RPS6KA3: variants seen among roughly 807,000 people sequenced by gnomAD.
The protein encoded by RPS6KA3 is ribosomal protein S6 kinase alpha-3.
RPS6KA3 carries 4 observed loss-of-function variants against 67.2 expected under a neutral mutation model. That is an observed-to-expected ratio of 0.06 (90% confidence interval 0.03 to 0.14). The LOEUF is 0.14. Among genes scored for constraint, RPS6KA3 ranks in the 10% least tolerant of loss-of-function variants. The probability of loss-of-function intolerance (pLI) is 1.00; values close to 1 mark genes in which losing one functional copy is unlikely to be tolerated. For missense variants in RPS6KA3, 204 were observed against 559.0 expected, an observed-to-expected ratio of 0.36 and a Z score of 6.40; for synonymous variants, 182 against 183.7, an observed-to-expected ratio of 0.99 and a Z score of 0.07.
intron 1 of RPS6KA3, 109 bp downstream of exon 1, chrX:20,266,455 G>A (rs1340869544): frequency 7.8e-6 from 5 of 638,359 alleles, no homozygotes; most frequent in Non-Finnish European, 2.4e-6. Flanking sequence ...CCGGGGGAAA[G>A]ACGCGAGCGG....
At chrX:20,195,795 T>C (rs777590263) in intron 4 of RPS6KA3, among the ~76,000 whole-genome samples, 6 of 112,217 alleles carry the variant, frequency 5.3e-5, no homozygotes, top group Non-Finnish European at 1.1e-4. Flanking sequence ...AGCAAGATAC[T>C]TATTTAAATT....
At chrX:20,254,564 A>G (rs942410060) in intron 1 of RPS6KA3, among the ~76,000 whole-genome samples, 2 of 112,151 alleles carry the variant, frequency 1.8e-5, no homozygotes, top group African/African-American at 6.5e-5. Context: ...ATCAAATCTA[A>G]AAAGAAAGAA....
At chrX:20,157,659 G>C (rs2067218846) in intron 20 of RPS6KA3, among the ~76,000 whole-genome samples, 1 of 111,132 alleles carries the variant, frequency 9.0e-6, no homozygotes, top group African/African-American at 3.3e-5. Context: ...ATACCTGACT[G>C]TACTGTGTGA....
intron 10 of RPS6KA3, among the ~76,000 whole-genome samples, chrX:20,178,620 G>A (rs971574193): frequency 2.1e-5 from 2 of 93,339 alleles, no homozygotes; most frequent in African/African-American, 8.0e-5. Flanking sequence ...TTACAGGTGT[G>A]TGCTACCACA....
At position 20,266,729 on chromosome X, in the gene RPS6KA3, G is replaced by A. The variant is rs866786693; in HGVS notation, c.-97C>T. 8.4e-5 allele frequency: 14 copies of A among 167,473 alleles called. No homozygotes were observed. In the South Asian group the frequency reaches 2.5e-3, roughly 29 times the overall value. 13.8% of individuals were successfully genotyped at this position (167,473 alleles called of 1,213,427 possible). A position where few individuals can be genotyped will look rare whatever the true frequency, so the allele number is the denominator to read the frequency against. ...GCCGCCCGAGCCCCACGGCAGCGGCGGCGGCGGCGGCGGCGGCGGCAGCGG... is the reference window on the plus strand; with the variant it reads ...GCCGCCCGAGCCCCACGGCAGCGGCAGCGGCGGCGGCGGCGGCGGCAGCGG... On this transcript the variant is annotated 5_prime_UTR_variant, in exon 1 of 22. Transcript: ENST00000379565.
chrX:20,198,390 G>C (rs906849900), intron 4 of RPS6KA3, among the ~76,000 whole-genome samples: 1 of 111,735 alleles, frequency 8.9e-6, no homozygotes, highest in Non-Finnish European at 1.9e-5. Context: ...GATAGCAAAA[G>C]ACCCCCAGGC....
Position 20,225,168 on chromosome X carries a change from G to C in RPS6KA3, c.126+9590C>G, listed in dbSNP as rs1415204943. Among the ~76,000 whole-genome samples the C allele has an allele frequency of 2.8e-5, 3 of 108,030 alleles. No homozygotes were observed. In the East Asian group the frequency reaches 8.8e-4, roughly 32 times the overall value. The allele number at this position is 108,030 out of a possible 115,157, so 93.8% of individuals were successfully genotyped here. A position where few individuals can be genotyped will look rare whatever the true frequency, so the allele number is the denominator to read the frequency against. On this transcript the variant is annotated intron_variant, in intron 2 of 21. Transcript: ENST00000379565. ...TTGTGATGAATATACTAGAACAGAA[G>C]AGAAGCAATTTTGGGTCAGAGGCAC...
chrX:20,255,925 C>A (rs1337873111), intron 1 of RPS6KA3, among the ~76,000 whole-genome samples: 2 of 101,258 alleles, frequency 2.0e-5, no homozygotes, highest in African/African-American at 7.3e-5. Context: ...GCCTGGCCAA[C>A]ATGGAGAAAC....
intron 3 of RPS6KA3, 127 bp downstream of exon 3, chrX:20,209,161 A>T (rs2068645469): frequency 6.0e-6 from 3 of 501,660 alleles, no homozygotes; most frequent in Non-Finnish European, 1.1e-5. Context: ...TGAGAAATGT[A>T]AAAAAACAGA....
In RPS6KA3 at chrX:20,195,143, G is replaced by C; in HGVS notation, c.328C>G (p.Arg110Gly). ...TCCATTTTTGTCCGAACTCGGTCTC[G>C]AACTATAAAAGATTGTATGTATGCT... Reference protein sequence around the residue: ...KVLKKATLKVRDRVRTKMERD... With the variant: ...KVLKKATLKVGDRVRTKMERD... Residue 110 changes from arginine to glycine, a missense_variant and splice_region_variant, in exon 5 of 22, where the codon CGA (arginine) becomes GGA (glycine). Arg to Gly is a moderately radical substitution (Grantham distance 125, BLOSUM62 -2). Transcript: ENST00000379565. 8.7e-7 allele frequency: 1 copy of C among 1,149,266 alleles called. No individual in the cohort carries two copies. The allele number at this position is 1,149,266 out of a possible 1,213,427, so 94.7% of individuals were successfully genotyped here. A position where few individuals can be genotyped will look rare whatever the true frequency, so the allele number is the denominator to read the frequency against.
intron 14 of RPS6KA3, 66 bp from the exon 15 acceptor site, chrX:20,172,937 T>TATA: frequency 1.0e-6 from 1 of 996,795 alleles, no homozygotes; most frequent in Non-Finnish European, 1.4e-6. Flanking sequence ...AATAGGGAAG[T>TATA]ATGTTACTCA....
intron 2 of RPS6KA3, chrX:20,218,805 T>G: frequency 8.5e-7 from 1 of 1,175,100 alleles, no homozygotes; most frequent in Non-Finnish European, 1.2e-6. Flanking sequence ...CTTACCTGTA[T>G]AGAGCGAACA....
intron 20 of RPS6KA3, among the ~76,000 whole-genome samples, chrX:20,158,241 T>C (rs961297041): frequency 4.6e-5 from 5 of 107,859 alleles, no homozygotes; most frequent in African/African-American, 1.7e-4. Context: ...GGTGCATGCC[T>C]GTAGTCCCGG....
intron 16 of RPS6KA3, 84 bp downstream of exon 16, chrX:20,169,318 T>C: frequency 7.5e-6 from 5 of 665,084 alleles, no homozygotes; most frequent in Non-Finnish European, 1.2e-5. Context: ...GTTCTTTGTC[T>C]ACCACATGAT....
intron 20 of RPS6KA3, among the ~76,000 whole-genome samples, chrX:20,158,178 A>G (rs2067229398): frequency 9.2e-6 from 1 of 108,460 alleles, no homozygotes; most frequent in Non-Finnish European, 1.9e-5. Flanking sequence ...CAGCCTGGGC[A>G]ACGTAGTGGG....
At chrX:20,251,686 T>G (rs1186366690) in intron 1 of RPS6KA3, among the ~76,000 whole-genome samples, 1 of 113,235 alleles carries the variant, frequency 8.8e-6, no homozygotes, top group Non-Finnish European at 1.9e-5. Flanking sequence ...GTGTATGGTT[T>G]AGTAGTATTA....
At chrX:20,155,768 A>C (rs1450027707) in intron 21 of RPS6KA3, among the ~76,000 whole-genome samples, 1 of 111,706 alleles carries the variant, frequency 9.0e-6, no homozygotes, top group African/African-American at 3.3e-5. Context: ...TCTCAGGACT[A>C]TTCAACATTT....
intron 2 of RPS6KA3, among the ~76,000 whole-genome samples, chrX:20,214,841 C>CTTT (rs753632500): frequency 2.2e-5 from 2 of 90,359 alleles, no homozygotes; most frequent in Admixed American, 1.2e-4. Flanking sequence ...TTCTTTTTTT[C>CTTT]TTTTTTTTTT....
At chrX:20,170,721 C>T (rs2067551745) in intron 15 of RPS6KA3, among the ~76,000 whole-genome samples, 1 of 110,238 alleles carries the variant, frequency 9.1e-6, no homozygotes, top group South Asian at 3.9e-4. Flanking sequence ...AAGTGATCCT[C>T]CCACCTCTAC....
Sources: allele counts gnomAD v4.1 joint callset (sites outside exome capture counted in the v4.1 genomes callset), GRCh38; gene constraint gnomAD v4.1.1; transcripts MANE v1.5; gene names NCBI Gene and HGNC (gene_info 2026-07-23, HGNC 2026-07-21).